Variants in PRSS12 observed in about 807,000 individuals in gnomAD.
The protein encoded by PRSS12 is neurotrypsin.
PRSS12 carries 85 observed loss-of-function variants against 104.4 expected under a neutral mutation model. The observed-to-expected ratio is 0.81, with a 90% CI of 0.68 to 0.98. The LOEUF is 0.98. PRSS12 is among the 50% of genes least tolerant of loss of function. The pLI is 0.00. For missense variants in PRSS12, 1,141 were observed against 1,139.2 expected (o/e 1.00, Z -0.02); for synonymous variants, 454 against 425.2 (o/e 1.07, Z -0.83).
At chr4:118,339,604 A>C (rs923898070) in intron 1 of PRSS12, among the ~76,000 whole-genome samples, 3 of 152,222 alleles carry the variant, frequency 2.0e-5, no homozygotes, top group Non-Finnish European at 4.4e-5. Flanking sequence ...AATCCTGACT[A>C]TTCAGGAATG....
chr4:118,318,326 C>T (rs1723501534), intron 5 of PRSS12, 52 bp downstream of exon 5: 7 of 1,565,094 alleles, frequency 4.5e-6, no homozygotes, highest in Non-Finnish European at 6.1e-6. Context: ...TGTGGCAGGC[C>T]GACATGGTAC....
chr4:118,351,427 T>G (rs1724503235), intron 1 of PRSS12, among the ~76,000 whole-genome samples: 1 of 152,206 alleles, frequency 6.6e-6, no homozygotes, highest in Non-Finnish European at 1.5e-5. Flanking sequence ...TCATTTACAT[T>G]AAATTTATTA....
rs561264826 is a variant in PRSS12 at position 118,334,800 on chromosome 4, G to A, written c.820+673C>T. Among the ~76,000 whole-genome samples, 4 of 152,260 alleles carry A rather than the reference G, an allele frequency of 2.6e-5. No homozygotes were observed. The East Asian group carries it at 7.7e-4, about 29-fold the overall frequency. On this transcript the variant is annotated intron_variant, in intron 3 of 12. Transcript: ENST00000296498. The stretch of plus-strand genomic sequence containing the variant: ...TATCACCAAGGAAAATGCAAAAAGG[G>A]ATACCATGAGAGTATGGTGGCTTCA...
rs1359037347 is a variant in PRSS12 at position 118,282,313 on chromosome 4, T to C, written c.2321-70A>G. Reference sequence around the variant, plus strand: ...CGCAACATTTAACAGTTACTGAGCATGTAATAGTTATGAAAATAAAATCCC... The same window carrying C: ...CGCAACATTTAACAGTTACTGAGCACGTAATAGTTATGAAAATAAAATCCC... On this transcript the variant is annotated intron_variant, in intron 12 of 12. Transcript: ENST00000296498. The C allele has an allele frequency of 3.8e-6, 6 of 1,570,490 alleles. No individual in the cohort carries two copies. The East Asian group carries it at 6.7e-5, about 18-fold the overall frequency.
intron 6 of PRSS12, among the ~76,000 whole-genome samples, chr4:118,313,611 T>C (rs769482521): frequency 1.3e-5 from 2 of 152,202 alleles, no homozygotes; most frequent in Non-Finnish European, 2.9e-5. Context: ...TTTCAACGAA[T>C]AACAAATGAA....
chr4:118,290,481 G>C lies in PRSS12; in HGVS notation c.2039+4458C>G, dbSNP rs1038291792. 2.6e-5 allele frequency among the ~76,000 whole-genome samples: 4 copies of C among 152,202 alleles called. No individual in the cohort carries two copies. In the East Asian group the frequency reaches 5.8e-4, roughly 22 times the overall value. ...TTTTATACCTTATTCTTCTCCATTA[G>C]TAAGTGAAATAAAATAATCCTCAGT... On this transcript the variant is annotated intron_variant, in intron 11 of 12. Coordinates refer to ENST00000296498, the MANE Select transcript of PRSS12 (RefSeq NM_003619.4).
intron 8 of PRSS12, among the ~76,000 whole-genome samples, chr4:118,299,737 AAAATAAAATAAATAAAATAAATAAAATT>A (rs1268495684): frequency 3.3e-4 from 26 of 78,210 alleles, no homozygotes; most frequent in African/African-American, 7.8e-4. Context: ...AAAATAAAAT[AAAATAAAATAAATAAAATAAATAAAATT>A]AAATAAAATA....
Position 118,318,383 on chromosome 4 carries a change from A to G in PRSS12, c.1145T>C (p.Leu382Pro), listed in dbSNP as rs529803024. 19 of 1,613,978 alleles carry G rather than the reference A, an allele frequency of 1.2e-5. No homozygotes were observed. Among genetic ancestry groups the G allele is most frequent in the African/African-American group, 2.7e-5 (2 of 75,048 alleles). The change falls in exon 5 of 13, where the codon CTA becomes CCA. Residue 382 changes from leucine (L) to proline (P), a missense_variant. By Grantham distance (98) the Leu-to-Pro change is moderately conservative. Coordinates refer to ENST00000296498, the MANE Select transcript of PRSS12 (RefSeq NM_003619.4). ...TAATGGAGTGAAATCCTTACCTGTT[A>G]GAGGGGTACAGGACACTCCAGCATC... The part of the protein sequence containing the change: ...KEDAGVSCTP[L>P]TDGVIRLAGG...
At chr4:118,336,974 G>A (rs1254628320) in intron 2 of PRSS12, among the ~76,000 whole-genome samples, 2 of 152,062 alleles carry the variant, frequency 1.3e-5, no homozygotes, top group African/African-American at 4.8e-5. Flanking sequence ...TATAGGCTCT[G>A]GCCTTACTCC....
At chr4:118,328,332 C>T (rs1404024653) in intron 4 of PRSS12, among the ~76,000 whole-genome samples, 1 of 152,124 alleles carries the variant, frequency 6.6e-6, no homozygotes, top group Non-Finnish European at 1.5e-5. Context: ...AGGATTTTTG[C>T]TTGTATATTT....
At chr4:118,316,856 A>ATATC (rs1344199649) in intron 5 of PRSS12, among the ~76,000 whole-genome samples, 1 of 146,514 alleles carries the variant, frequency 6.8e-6, no homozygotes, top group African/African-American at 2.5e-5. Context: ...ATATATATAT[A>ATATC]TCTTTCCTTT....
chr4:118,316,856 A>ATATATC (rs1344199649), intron 5 of PRSS12, among the ~76,000 whole-genome samples: 1 of 146,514 alleles, frequency 6.8e-6, no homozygotes, highest in African/African-American at 2.5e-5. Context: ...ATATATATAT[A>ATATATC]TCTTTCCTTT....
Position 118,313,293 on chromosome 4 carries a change from G to T in PRSS12, c.1397C>A (p.Ser466Tyr), listed in dbSNP as rs370293860. The change falls in exon 7 of 13, where the codon TCC becomes TAC. Residue 466 changes from serine (S) to tyrosine (Y), a missense_variant. Transcript: ENST00000296498. The stretch of plus-strand genomic sequence containing the variant: ...GTCATGCCTTCCCCACTGTCGCCTG[G>T]AACACTGAAGAAATCTGGTTTCCTT... ...SGKETRFLQC[S>Y]RRQWGRHDCS... 219 of 1,613,946 alleles carry T rather than the reference G, an allele frequency of 1.4e-4. No individual in the cohort carries two copies. Among genetic ancestry groups the T allele is most frequent in the Non-Finnish European group, 1.8e-4 (212 of 1,180,008 alleles).
rs747945604 is a variant in PRSS12, at chr4:118,352,574, G to T, written c.147C>A (p.Thr49=). Residue 49 remains threonine, a synonymous_variant, in exon 1 of 13, where the codon ACC becomes ACA. Transcript: ENST00000296498. ...AGPHYPYYLP[T]QQRPPRTRPP... ...GACGCGTCCTCGGGGGCCGCTGCTG[G>T]GTGGGAAGGTAATAGGGGTAGTGCG... 3.8e-6 allele frequency: 6 copies of T among 1,575,168 alleles called. No homozygotes were observed. The Admixed American group carries it at 1.1e-4, about 29-fold the overall frequency.
chr4:118,351,589 G>A (rs1009149347), intron 1 of PRSS12, among the ~76,000 whole-genome samples: 2 of 152,154 alleles, frequency 1.3e-5, no homozygotes, highest in African/African-American at 4.8e-5. Flanking sequence ...CAAGATAGTA[G>A]TATTCCCATC....
At chr4:118,342,944 A>G (rs1372226609) in intron 1 of PRSS12, among the ~76,000 whole-genome samples, 1 of 152,230 alleles carries the variant, frequency 6.6e-6, no homozygotes, top group South Asian at 2.1e-4. Flanking sequence ...CAACTTCGCT[A>G]GAAAACAGGA....
chr4:118,298,778 T>A lies in PRSS12; in HGVS notation c.1792A>T (p.Ile598Phe), dbSNP rs777770197. 1 of 1,614,192 alleles carries A rather than the reference T, an allele frequency of 6.2e-7. No individual in the cohort carries two copies. The highest frequency in any genetic ancestry group is 8.5e-7 in the Non-Finnish European group (1 of 1,180,018). Residue 598 changes from isoleucine to phenylalanine, a missense_variant, in exon 9 of 13, where the codon ATT becomes TTT. Transcript: ENST00000296498. ...NCRHSEDAGV[I>F]CDYFGKKASG... ...GCCTTCTTGCCAAAATAATCACAAATAACTCCTGCATCTTCACTGTGGCGG... is the reference window on the plus strand; with the variant it reads ...GCCTTCTTGCCAAAATAATCACAAAAAACTCCTGCATCTTCACTGTGGCGG...
intron 11 of PRSS12, among the ~76,000 whole-genome samples, chr4:118,283,383 T>C (rs1742938970): frequency 6.6e-6 from 1 of 152,226 alleles, no homozygotes. Flanking sequence ...CATTAATCTG[T>C]CATTTCCCAA....
chr4:118,299,970 G>C (rs1186251626), intron 8 of PRSS12, among the ~76,000 whole-genome samples: 2 of 147,854 alleles, frequency 1.4e-5, no homozygotes, highest in South Asian at 4.2e-4. Context: ...GACAAGGCGA[G>C]ACTCCATCTC....
Sources: gnomAD v4.1 joint callset for allele counts (sites outside exome capture counted in the v4.1 genomes callset) on GRCh38, gnomAD v4.1.1 for gene constraint, MANE v1.5 for transcripts, NCBI Gene and HGNC (gene_info 2026-07-23, HGNC 2026-07-21) for gene names.